PTPRS: variants seen among roughly 807,000 people sequenced by gnomAD.
PTPRS encodes protein tyrosine phosphatase receptor type S.
PTPRS carries 63 observed loss-of-function variants against 215.3 expected under a neutral mutation model. That is an observed-to-expected ratio of 0.29 (90% CI 0.24 to 0.36). The LOEUF is 0.36. Ranked by LOEUF, PTPRS falls within the 10% of genes least tolerant of loss-of-function variation. The pLI, the probability that PTPRS is intolerant of heterozygous loss-of-function variation, is 1.00. For synonymous variants in PTPRS, 1,404 were observed against 1,191.4 expected (o/e 1.18, Z -3.68); for missense variants, 2,258 against 2,825.8 (o/e 0.80, Z 4.56).
chr19:5,328,022 CCCTGACCT>C (rs1356301623), intron 1 of PTPRS, among the ~76,000 whole-genome samples: 1 of 152,200 alleles, frequency 6.6e-6, no homozygotes, highest in Non-Finnish European at 1.5e-5. Context: ...TTTTAGAGTT[CCCTGACCT>C]CCTGACACTG....
intron 4 of PTPRS, among the ~76,000 whole-genome samples, chr19:5,267,145 G>A (rs554097575): frequency 2.6e-5 from 4 of 152,026 alleles, no homozygotes; most frequent in Admixed American, 2.0e-4. Context: ...TCCAGCGCTC[G>A]GTATCCCTCT....
At chr19:5,214,507 A>G in intron 29 of PTPRS, 27 bp from the exon 30 acceptor site, 1 of 1,613,616 alleles carries the variant, frequency 6.2e-7, no homozygotes, top group South Asian at 1.1e-5. Flanking sequence ...AACAGGTGTC[A>G]GCAGGGACAG....
Position 5,210,688 on chromosome 19 carries a change from C to T in PTPRS, c.5352G>A (p.Glu1784=). 6.2e-7 allele frequency: 1 copy of T among 1,614,192 alleles called. No individual in the cohort carries two copies. Among genetic ancestry groups the T allele is most frequent in the Non-Finnish European group, 8.5e-7 (1 of 1,180,042 alleles). ...GTGGCCCCTAGCTCACCCGGCCCAT[C>T]TCCCGCAGCTTGGTCAGCATCACCA... ...TIVVMLTKLR[E]MGREKCHQYW... is the part of the protein sequence containing the mutation. The change falls in exon 34 of 38, where the codon GAG becomes GAA. Residue 1784 remains glutamate, a synonymous_variant. Transcript: ENST00000262963. This position sits in a 1 kb window ranked among gnomAD's most constrained non-coding sequence, Gnocchi z 4.5.
At chr19:5,263,296 G>A (rs997543974) in intron 5 of PTPRS, among the ~76,000 whole-genome samples, 6 of 152,072 alleles carry the variant, frequency 3.9e-5, no homozygotes, top group African/African-American at 9.7e-5. Context: ...GATAGGAGGC[G>A]ATTTGTCCCC....
intron 1 of PTPRS, among the ~76,000 whole-genome samples, chr19:5,330,359 T>C (rs1377809073): frequency 2.0e-5 from 3 of 152,174 alleles, no homozygotes; most frequent in Non-Finnish European, 2.9e-5. Context: ...TCAGGGCAGT[T>C]CTGAGGAGGA....
In PTPRS at chr19:5,231,389, G is replaced by A. The variant is rs777104477; in HGVS notation, c.2076C>T (p.Tyr692=). 5.0e-6 allele frequency: 8 copies of A among 1,613,074 alleles called. No homozygotes were observed. The highest frequency in any genetic ancestry group is 5.9e-6 in the Non-Finnish European group (7 of 1,179,946). ...CTGTGTGAGCGACAGTCGTGATGCG[G>A]TACTGGGTCCACTTCTCCAAGGCCT... ...LLEALEKWTQ[Y]RITTVAHTEV... Residue 692 remains tyrosine (Y), a synonymous_variant, in exon 14 of 38, where the codon TAC becomes TAT. Coordinates refer to ENST00000262963, the MANE Select transcript of PTPRS (RefSeq NM_002850.4).
chr19:5,224,865 C>T (rs1476705731), intron 17 of PTPRS, among the ~76,000 whole-genome samples: 11 of 151,972 alleles, frequency 7.2e-5, no homozygotes, highest in African/African-American at 2.7e-4. Context: ...AGCTGGGAGG[C>T]CTGAAAGGTG....
intron 1 of PTPRS, among the ~76,000 whole-genome samples, chr19:5,311,508 T>G (rs566101201): frequency 1.3e-5 from 2 of 152,180 alleles, no homozygotes; most frequent in Admixed American, 6.5e-5. Flanking sequence ...GGTTGTTTTC[T>G]GAACACACAG....
intron 13 of PTPRS, among the ~76,000 whole-genome samples, chr19:5,231,873 C>T (rs554387461): frequency 1.2e-4 from 19 of 152,136 alleles, no homozygotes; most frequent in African/African-American, 4.1e-4. Flanking sequence ...GCTGCACCTA[C>T]GTGGTGCACA....
intron 26 of PTPRS, among the ~76,000 whole-genome samples, chr19:5,216,000 C>G (rs2041406365): frequency 2.0e-5 from 3 of 152,162 alleles, no homozygotes; most frequent in Admixed American, 2.0e-4. Flanking sequence ...GCAGACGCAG[C>G]CGGCTGTGCT....
Position 5,207,992 on chromosome 19 carries a change from T to TC in PTPRS, c.5707dup (p.Glu1903GlyfsTer26). ...CGTCTGAAAGATGTCCACCACGCCT[T>TC]CATACCGCATCCGCTCCAGCACGAT... On this transcript the variant is annotated frameshift_variant, in exon 37 of 38. Coordinates refer to ENST00000262963, the MANE Select transcript of PTPRS (RefSeq NM_002850.4). LOFTEE classifies it high-confidence loss of function. 6.2e-7 allele frequency: 1 copy of TC among 1,614,100 alleles called. No homozygotes were observed. The highest frequency in any genetic ancestry group is 8.5e-7 in the Non-Finnish European group (1 of 1,180,030).
Position 5,223,379 on chromosome 19 carries a change from C to A in PTPRS, c.2495-82G>T, listed in dbSNP as rs919184429. 1.2e-5 allele frequency: 16 copies of A among 1,358,706 alleles called. No homozygotes were observed. The Admixed American group carries it at 1.8e-4, about 15-fold the overall frequency. 84.2% of individuals were successfully genotyped at this position (1,358,706 alleles called of 1,614,324 possible). ...ACAAGGTGGGGTTGTATTTTTAATT[C>A]TTTTCCTTCAATATAACATTTTTTT... is the stretch of plus-strand genomic sequence containing the variant. On this transcript the variant is annotated intron_variant, in intron 17 of 37. Coordinates refer to ENST00000262963, the MANE Select transcript of PTPRS (RefSeq NM_002850.4).
intron 1 of PTPRS, among the ~76,000 whole-genome samples, chr19:5,309,868 T>C (rs1057493591): frequency 2.6e-5 from 4 of 151,442 alleles, no homozygotes; most frequent in Non-Finnish European, 5.9e-5. Flanking sequence ...GCGTCTGCAC[T>C]CATCCCCCAC....
chr19:5,235,836 G>A (rs529194977), intron 13 of PTPRS, among the ~76,000 whole-genome samples: 1 of 152,298 alleles, frequency 6.6e-6, no homozygotes. Flanking sequence ...CATATTAAAG[G>A]GAACTGTCTG....
intron 4 of PTPRS, among the ~76,000 whole-genome samples, chr19:5,265,740 A>C (rs2046352079): frequency 6.7e-6 from 1 of 150,266 alleles, no homozygotes; most frequent in Non-Finnish European, 1.5e-5. Flanking sequence ...CCTGGGAGAC[A>C]CTGGGCGATG....
chr19:5,218,945 T>C (rs2041735878), intron 23 of PTPRS, 147 bp from the exon 24 acceptor site: 2 of 868,350 alleles, frequency 2.3e-6, no homozygotes, highest in Admixed American at 2.9e-5. Flanking sequence ...GGTGCTCATA[T>C]TTCCTGTTTG....
At chr19:5,329,435 C>T (rs1028307904) in intron 1 of PTPRS, among the ~76,000 whole-genome samples, 1 of 152,116 alleles carries the variant, frequency 6.6e-6, no homozygotes, top group Admixed American at 6.5e-5. Context: ...AATTGCAGCC[C>T]CCAGTGCAAA....
chr19:5,319,189 A>C (rs1197946372), intron 1 of PTPRS, among the ~76,000 whole-genome samples: 3 of 152,194 alleles, frequency 2.0e-5, no homozygotes, highest in Non-Finnish European at 1.5e-5. Flanking sequence ...AGGTGGGCAG[A>C]TCACCCGAGG....
intron 30 of PTPRS, among the ~76,000 whole-genome samples, chr19:5,213,294 C>G (rs1364165037): frequency 2.0e-5 from 3 of 152,198 alleles, no homozygotes; most frequent in Non-Finnish European, 4.4e-5. Flanking sequence ...GCCCACAGCC[C>G]TCCATGGCTC....
Sources: allele counts gnomAD v4.1 joint callset (sites outside exome capture counted in the v4.1 genomes callset), GRCh38; gene constraint gnomAD v4.1.1; non-coding constraint Gnocchi (gnomAD v3.1); transcripts MANE v1.5; gene names NCBI Gene and HGNC (gene_info 2026-07-23, HGNC 2026-07-21).